Variants in TMEM26 observed in about 807,000 individuals in gnomAD.
The protein encoded by TMEM26 is transmembrane protein 26.
In TMEM26, 38 loss-of-function variants were observed where a neutral mutation model predicts 28.8. The observed-to-expected ratio is 1.32, with a 90% CI of 1.02 to 1.73. The LOEUF (loss-of-function observed/expected upper bound fraction) is 1.73. TMEM26 is among the 40% of genes most tolerant of loss of function. The pLI is 0.00. For synonymous variants in TMEM26, 227 were observed against 182.9 expected, an observed-to-expected ratio of 1.24 and a Z score of -1.95; for missense variants, 518 against 447.1, an observed-to-expected ratio of 1.16 and a Z score of -1.43.
At chr10:61,417,826 T>C (rs935356514) in intron 4 of TMEM26, among the ~76,000 whole-genome samples, 16 of 152,008 alleles carry the variant, frequency 1.1e-4, no homozygotes, top group Admixed American at 5.9e-4. Flanking sequence ...CTTGTGAAAA[T>C]GTTGGAAGGT....
At chr10:61,419,921 C>G (rs1839715672) in intron 4 of TMEM26, among the ~76,000 whole-genome samples, 1 of 152,092 alleles carries the variant, frequency 6.6e-6, no homozygotes, top group Non-Finnish European at 1.5e-5. Context: ...TTTAAAACAT[C>G]AAGAGAAAAT....
chr10:61,451,716 T>C (rs1840284070), intron 1 of TMEM26, among the ~76,000 whole-genome samples: 1 of 152,114 alleles, frequency 6.6e-6, no homozygotes, highest in Non-Finnish European at 1.5e-5. Context: ...TAAATTAGGA[T>C]TGTTCTTGAA....
At chr10:61,430,021 C>A (rs1260789032) in intron 3 of TMEM26, among the ~76,000 whole-genome samples, 1 of 152,052 alleles carries the variant, frequency 6.6e-6, no homozygotes, top group Non-Finnish European at 1.5e-5. Flanking sequence ...TGATGCTATC[C>A]TGATTGAATC....
At chr10:61,417,465 G>GT (rs71018971) in intron 4 of TMEM26, among the ~76,000 whole-genome samples, 13,252 of 139,786 alleles carry the variant, frequency 0.095, 786 homozygotes, top group East Asian at 0.22. Context: ...AATTCATCTA[G>GT]TTTTTTTTTT....
rs1308095313 is a variant in TMEM26 at position 61,410,145 on chromosome 10, T to C, written c.*177A>G. 1.1e-5 allele frequency: 7 copies of C among 638,928 alleles called. No homozygotes were observed. Among genetic ancestry groups the C allele is most frequent in the Non-Finnish European group, 1.9e-5 (7 of 375,586 alleles). 39.6% of individuals were successfully genotyped at this position (638,928 alleles called of 1,614,324 possible). The stretch of plus-strand genomic sequence containing the variant: ...CAGAAGTTGTAGCAATAGTCACTAA[T>C]CAAAGTTCCTTCTATTCAGTTGAAA... On this transcript the variant is annotated 3_prime_UTR_variant, in exon 6 of 6. Coordinates refer to ENST00000399298, the MANE Select transcript of TMEM26 (RefSeq NM_178505.8).
At chr10:61,449,837 T>C (rs925372017) in intron 1 of TMEM26, among the ~76,000 whole-genome samples, 2 of 152,102 alleles carry the variant, frequency 1.3e-5, no homozygotes, top group African/African-American at 2.4e-5. Context: ...TTTCAACTTG[T>C]AGAAACAATG....
At chr10:61,413,054 G>A (rs1485143682) in intron 5 of TMEM26, 5 of 907,178 alleles carry the variant, frequency 5.5e-6, no homozygotes, top group African/African-American at 3.5e-5. Context: ...AACTTTTATG[G>A]CAGCAACTTG....
intron 1 of TMEM26, among the ~76,000 whole-genome samples, chr10:61,441,617 T>G (rs1840094724): frequency 6.6e-6 from 1 of 152,178 alleles, no homozygotes; most frequent in Non-Finnish European, 1.5e-5. Flanking sequence ...AACAAATCAT[T>G]TATATCACGT....
chr10:61,410,402 G>A lies in TMEM26; in HGVS notation c.1027C>T (p.Gln343Ter), dbSNP rs1455669555. The change falls in exon 6 of 6, where the codon CAG (glutamine) becomes TAG (stop). Residue 343 changes from glutamine (Q) to a stop codon, truncating the protein, a stop_gained. Coordinates refer to ENST00000399298, the MANE Select transcript of TMEM26 (RefSeq NM_178505.8). LOFTEE classifies it low-confidence loss of function (END_TRUNC). ...SESGPSQRDW[Q>*]NESKEGLAIP... The stretch of plus-strand genomic sequence containing the variant: ...GCCAGGCCCTCCTTAGACTCGTTCT[G>A]CCAGTCCCGCTGAGAGGGCCCACTC... 3 of 1,614,042 alleles carry A rather than the reference G, an allele frequency of 1.9e-6. No individual in the cohort carries two copies. The highest frequency in any genetic ancestry group is 1.7e-6 in the Non-Finnish European group (2 of 1,180,012).
intron 1 of TMEM26, among the ~76,000 whole-genome samples, chr10:61,440,563 CAT>C (rs1840076408): frequency 6.7e-6 from 1 of 149,122 alleles, no homozygotes; most frequent in Non-Finnish European, 1.5e-5. Flanking sequence ...GAAGCCCTCA[CAT>C]ATGTATTTCT....
chr10:61,413,053 G>T, intron 5 of TMEM26: 4 of 949,148 alleles, frequency 4.2e-6, no homozygotes, highest in Non-Finnish European at 5.7e-6. Context: ...AAACTTTTAT[G>T]GCAGCAACTT....
chr10:61,440,453 C>T (rs752812383), intron 1 of TMEM26, among the ~76,000 whole-genome samples: 2 of 149,244 alleles, frequency 1.3e-5, no homozygotes, highest in Non-Finnish European at 3.0e-5. Flanking sequence ...CCACCTCTTG[C>T]TCTCTCTTGC....
At chr10:61,452,647 G>C in intron 1 of TMEM26, 2 of 492,206 alleles carry the variant, frequency 4.1e-6, no homozygotes, top group Non-Finnish European at 7.4e-6. Flanking sequence ...TTCCAAACCT[G>C]AGACTGGGTG....
At position 61,408,700 on chromosome 10, in the gene TMEM26, AATT is replaced by A. The variant is rs1839525780; in HGVS notation, c.*1619_*1621del. 1 of 152,176 alleles carries A rather than the reference AATT, an allele frequency of 6.6e-6. No individual in the cohort carries two copies. The highest frequency in any genetic ancestry group is 1.5e-5 in the Non-Finnish European group (1 of 68,046). The allele number at this position is 152,176 out of a possible 1,614,324, so 9.4% of individuals were successfully genotyped here. A position where few individuals can be genotyped will look rare whatever the true frequency, so the allele number is the denominator to read the frequency against. ...AATTTCTTGATCTTAACTTTCATAA[AATT>A]ATTATGGAAAATCATAAATGTATTC... On this transcript the variant is annotated 3_prime_UTR_variant, in exon 6 of 6. Transcript: ENST00000399298.
At chr10:61,420,122 C>T (rs896453689) in intron 4 of TMEM26, among the ~76,000 whole-genome samples, 4 of 152,050 alleles carry the variant, frequency 2.6e-5, no homozygotes, top group African/African-American at 9.7e-5. Context: ...TCAATTAACA[C>T]ATATTTTGTA....
At chr10:61,425,838 G>A (rs1015444760) in intron 4 of TMEM26, among the ~76,000 whole-genome samples, 2 of 152,104 alleles carry the variant, frequency 1.3e-5, no homozygotes, top group Admixed American at 6.6e-5. Context: ...TGCATTGCTG[G>A]TGGGAATATA....
intron 4 of TMEM26, chr10:61,416,080 TG>T (rs1307296060): frequency 4.4e-6 from 2 of 450,068 alleles, no homozygotes; most frequent in Non-Finnish European, 8.9e-6. Context: ...AGTTGCCACT[TG>T]GGGTTAGTAT....
Position 61,410,073 on chromosome 10 carries a change from A to G in TMEM26, c.*249T>C, listed in dbSNP as rs1280029879. ...TAGCTTTTCAAACAGTTCAAGACAA[A>G]CAAATCACTTAGTCGTTGAACAACT... On this transcript the variant is annotated 3_prime_UTR_variant, in exon 6 of 6. Coordinates refer to ENST00000399298, the MANE Select transcript of TMEM26 (RefSeq NM_178505.8). 5.7e-6 allele frequency: 3 copies of G among 525,358 alleles called. No homozygotes were observed. In the East Asian group the frequency reaches 9.9e-5, roughly 17 times the overall value. The allele number at this position is 525,358 out of a possible 1,614,324, so 32.5% of individuals were successfully genotyped here. A position where few individuals can be genotyped will look rare whatever the true frequency, so the allele number is the denominator to read the frequency against.
chr10:61,418,013 A>G (rs1839682152), intron 4 of TMEM26, among the ~76,000 whole-genome samples: 1 of 152,110 alleles, frequency 6.6e-6, no homozygotes, highest in African/African-American at 2.4e-5. Context: ...AGGTAAGAAC[A>G]GTGGGAATCT....
Sources: allele counts gnomAD v4.1 joint callset (sites outside exome capture counted in the v4.1 genomes callset), GRCh38; gene constraint gnomAD v4.1.1; transcripts MANE v1.5; gene names NCBI Gene and HGNC (gene_info 2026-07-23, HGNC 2026-07-21).